The following ROBO2 variants were observed in gnomAD, a reference collection of about 807,000 sequenced individuals.
The protein encoded by ROBO2 is roundabout homolog 2.
In ROBO2, 53 loss-of-function variants were observed where a neutral mutation model predicts 160.8. The ratio of observed to expected loss-of-function variants is 0.33; its 90% CI spans 0.26 to 0.41. The LOEUF is 0.41. Ranked by LOEUF, ROBO2 falls within the 10% of genes least tolerant of loss-of-function variation. The pLI is 1.00. For synonymous variants in ROBO2, 664 were observed against 611.7 expected, an observed-to-expected ratio of 1.09 and a Z score of -1.26; for missense variants, 1,577 against 1,722.4, an observed-to-expected ratio of 0.92 and a Z score of 1.49.
chr3:76,210,207 A>C (rs1371768607), intron 2 of ROBO2, among the ~76,000 whole-genome samples: 1 of 152,140 alleles, frequency 6.6e-6, no homozygotes, highest in Admixed American at 6.6e-5. Context: ...CCTAATGTGT[A>C]AGTTTGTTAA....
intron 2 of ROBO2, among the ~76,000 whole-genome samples, chr3:77,451,813 G>T (rs774407318): frequency 6.6e-6 from 1 of 150,406 alleles, no homozygotes; most frequent in South Asian, 2.1e-4. Flanking sequence ...TCGGGTACAT[G>T]TGCACAATGT....
chr3:76,805,087 T>A (rs530388308), intron 2 of ROBO2, among the ~76,000 whole-genome samples: 1 of 152,162 alleles, frequency 6.6e-6, no homozygotes, highest in Non-Finnish European at 1.5e-5. Context: ...CATATCATAG[T>A]GTCTAAAGCA....
At chr3:76,943,230 G>T (rs570993976) in intron 2 of ROBO2, among the ~76,000 whole-genome samples, 136 of 152,296 alleles carry the variant, frequency 8.9e-4, no homozygotes, top group African/African-American at 3.0e-3. Context: ...CTACCTCAGA[G>T]GACTGGCATT....
intron 2 of ROBO2, among the ~76,000 whole-genome samples, chr3:76,660,497 T>C (rs67360407): frequency 0.12 from 18,043 of 152,142 alleles, 1,290 homozygotes; most frequent in African/African-American, 0.2. Flanking sequence ...CTGAGGAATG[T>C]GCTATACCAC....
intron 2 of ROBO2, among the ~76,000 whole-genome samples, chr3:76,849,053 CATCT>C (rs2069064255): frequency 6.6e-6 from 1 of 152,092 alleles, no homozygotes; most frequent in Admixed American, 6.5e-5. Flanking sequence ...AGTGTCACCC[CATCT>C]GTTTCCTAAC....
chr3:77,598,204 G>T lies in ROBO2; in HGVS notation c.2854+1454G>T, dbSNP rs193165886. 9.9e-4 allele frequency among the ~76,000 whole-genome samples: 150 copies of T among 152,078 alleles called. 2 individuals are homozygous for T. The highest frequency in any genetic ancestry group is 9.6e-3 in the Admixed American group (147 of 15,272). Reference sequence around the variant, plus strand: ...ATATGTATGAGTATATAACCAGATTGACTGAGAACTGAGAAGGATATTCAT... The same window carrying T: ...ATATGTATGAGTATATAACCAGATTTACTGAGAACTGAGAAGGATATTCAT... On this transcript the variant is annotated intron_variant, in intron 19 of 25. Coordinates refer to ENST00000461745, the Ensembl canonical transcript of ROBO2.
At chr3:76,804,199 A>G (rs1001270466) in intron 2 of ROBO2, among the ~76,000 whole-genome samples, 3 of 152,198 alleles carry the variant, frequency 2.0e-5, no homozygotes, top group Non-Finnish European at 4.4e-5. Flanking sequence ...AAGAGAGAGG[A>G]CAGCACAGTG....
intron 2 of ROBO2, among the ~76,000 whole-genome samples, chr3:76,955,789 A>G (rs1294459910): frequency 1.3e-5 from 2 of 151,716 alleles, no homozygotes; most frequent in African/African-American, 2.4e-5. Flanking sequence ...TTAGCCAGGC[A>G]TGGTGGTGGG....
intron 2 of ROBO2, among the ~76,000 whole-genome samples, chr3:77,423,831 A>T (rs977456876): frequency 6.6e-6 from 1 of 152,180 alleles, no homozygotes; most frequent in East Asian, 1.9e-4. Flanking sequence ...TAACGTTATG[A>T]CTTACTGTGT....
chr3:76,585,905 A>G (rs963710050), intron 2 of ROBO2, among the ~76,000 whole-genome samples: 2 of 152,186 alleles, frequency 1.3e-5, no homozygotes, highest in Non-Finnish European at 2.9e-5. Flanking sequence ...AAGGGAGAAA[A>G]AGCATAATTA....
chr3:76,399,660 A>G (rs961872592), intron 2 of ROBO2, among the ~76,000 whole-genome samples: 1 of 151,782 alleles, frequency 6.6e-6, no homozygotes, highest in Non-Finnish European at 1.5e-5. Context: ...ATTCCATCTT[A>G]TGGTAATAAC....
chr3:76,014,641 T>C (rs151263094), intron 2 of ROBO2, among the ~76,000 whole-genome samples: 7 of 152,264 alleles, frequency 4.6e-5, no homozygotes, highest in African/African-American at 1.7e-4. Flanking sequence ...ATAAAGGCTA[T>C]TGGCGACTGG....
chr3:77,356,489 T>G (rs2069146182), intron 2 of ROBO2, among the ~76,000 whole-genome samples: 1 of 152,168 alleles, frequency 6.6e-6, no homozygotes, highest in Non-Finnish European at 1.5e-5. Context: ...ATCTTAGAAT[T>G]GGGTTGGGTA....
At chr3:76,402,402 A>G (rs1423121660) in intron 2 of ROBO2, among the ~76,000 whole-genome samples, 2 of 151,488 alleles carry the variant, frequency 1.3e-5, no homozygotes, top group Admixed American at 6.6e-5. Flanking sequence ...TGAAAATTAA[A>G]TATTCTCTTT....
intron 6 of ROBO2, among the ~76,000 whole-genome samples, chr3:77,525,173 T>C (rs1000951401): frequency 4.6e-5 from 7 of 151,032 alleles, no homozygotes; most frequent in Non-Finnish European, 7.4e-5. Context: ...CATGCCCATT[T>C]TCATCCATTT....
chr3:77,044,285 G>A (rs2064400585), intron 1 of ROBO2, among the ~76,000 whole-genome samples: 1 of 152,146 alleles, frequency 6.6e-6, no homozygotes, highest in African/African-American at 2.4e-5. Context: ...CATTGTATAA[G>A]TTGGGATACA....
At chr3:75,954,597 A>G (rs1948662600) in intron 2 of ROBO2, among the ~76,000 whole-genome samples, 1 of 151,942 alleles carries the variant, frequency 6.6e-6, no homozygotes, top group African/African-American at 2.4e-5. Flanking sequence ...CACATCACAG[A>G]AAAGAAGTTC....
intron 1 of ROBO2, chr3:77,092,310 G>T (rs2070400647): frequency 6.6e-6 from 1 of 151,548 alleles, no homozygotes. Flanking sequence ...AATTAGCCTA[G>T]ATGCCATGTG....
intron 2 of ROBO2, among the ~76,000 whole-genome samples, chr3:76,469,490 G>T (rs908558230): frequency 1.3e-5 from 2 of 151,998 alleles, no homozygotes; most frequent in African/African-American, 2.4e-5. Context: ...CTATTAAAAG[G>T]CTGGCAAGGC....
Sources: allele counts gnomAD v4.1 joint callset (sites outside exome capture counted in the v4.1 genomes callset), GRCh38; gene constraint gnomAD v4.1.1; transcripts MANE v1.5; gene names NCBI Gene and HGNC (gene_info 2026-07-23, HGNC 2026-07-21).